The following NR1I2 variants were observed in gnomAD, a reference collection of about 807,000 sequenced individuals.
NR1I2 encodes nuclear receptor subfamily 1 group I member 2.
NR1I2 carries 42 observed loss-of-function variants against 43.3 expected under a neutral mutation model. The observed-to-expected ratio is 0.97, with a 90% CI of 0.76 to 1.26. NR1I2 has a LOEUF of 1.26. Ranked by LOEUF, NR1I2 falls within the 50% of genes most tolerant of loss-of-function variation. The pLI is 0.00. For synonymous variants in NR1I2, 229 were observed against 215.0 expected (o/e 1.06, Z -0.57); for missense variants, 559 against 566.7 (o/e 0.99, Z 0.14).
At chr3:119,810,017 C>G in intron 2 of NR1I2, 44 bp from the exon 3 acceptor site, 1 of 1,612,732 alleles carries the variant, frequency 6.2e-7, no homozygotes, top group Non-Finnish European at 8.5e-7. Flanking sequence ...GCCGAGGGCC[C>G]GGGCACCCGT....
intron 1 of NR1I2, among the ~76,000 whole-genome samples, chr3:119,799,293 A>G (rs2107959908): frequency 6.6e-6 from 1 of 152,274 alleles, no homozygotes; most frequent in East Asian, 1.9e-4. Flanking sequence ...AATATTCTTG[A>G]GTATATTTTC....
At chr3:119,810,975 G>A (rs1007106655) in intron 3 of NR1I2, 1 of 153,668 alleles carries the variant, frequency 6.5e-6, no homozygotes, top group African/African-American at 2.4e-5. Context: ...CTAAGCTGTA[G>A]CCCAGCTCTC....
chr3:119,817,160 ACCCCTTTGCTACG>A lies in NR1I2; in HGVS notation c.1259_1271del (p.Phe420SerfsTer59). The A allele has an allele frequency of 6.2e-7, 1 of 1,613,834 alleles. No individual in the cohort carries two copies. Among genetic ancestry groups the A allele is most frequent in the Non-Finnish European group, 8.5e-7 (1 of 1,179,970 alleles). On this transcript the variant is annotated frameshift_variant, in exon 9 of 9. Transcript: ENST00000393716. LOFTEE classifies it high-confidence loss of function. Reference sequence around the variant, plus strand: ...CGGCTGCTGCGCATCCAGGACATACACCCCTTTGCTACGCCCCTCATGCAGGAGTTGTTCGGCA... The same window carrying A: ...CGGCTGCTGCGCATCCAGGACATACACCCCTCATGCAGGAGTTGTTCGGCA...
Position 119,807,273 on chromosome 3 carries a change from G to C in NR1I2, c.23G>C (p.Ser8Thr), listed in dbSNP as rs143921735. 159 of 1,614,228 alleles carry C rather than the reference G, an allele frequency of 9.8e-5. 2 individuals are homozygous for C. The African/African-American group carries it at 1.7e-3, about 18-fold the overall frequency. The change falls in exon 2 of 9, where the codon AGC becomes ACC. Residue 8 changes from serine (S) to threonine (T), a missense_variant. Ser to Thr is a moderately conservative substitution (Grantham distance 58, BLOSUM62 1). Around this residue, in one of 3 missense-constraint regions of NR1I2, gnomAD observed 232 missense variants for 236.6 expected, o/e 0.98. Coordinates refer to ENST00000393716, the MANE Select transcript of NR1I2 (RefSeq NM_003889.4). ...AACCTGGAGGTGAGACCCAAAGAAAGCTGGAACCATGCTGACTTTGTACAC... is the reference window on the plus strand; with the variant it reads ...AACCTGGAGGTGAGACCCAAAGAAACCTGGAACCATGCTGACTTTGTACAC...
intron 1 of NR1I2, among the ~76,000 whole-genome samples, chr3:119,799,963 A>AAAACAAAC (rs566598313): frequency 5.3e-5 from 8 of 150,876 alleles, no homozygotes; most frequent in Non-Finnish European, 1.0e-4. Context: ...TTTGTCTCAA[A>AAAACAAAC]AAACAAACAA....
Position 119,818,470 on chromosome 3 carries a change from A to G in NR1I2, c.*1258A>G. The G allele has an allele frequency of 1.0e-6, 1 of 985,226 alleles. No homozygotes were observed. Among genetic ancestry groups the G allele is most frequent in the South Asian group, 4.7e-5 (1 of 21,280 alleles). The allele number at this position is 985,226 out of a possible 1,614,324, so 61.0% of individuals were successfully genotyped here. On this transcript the variant is annotated 3_prime_UTR_variant, in exon 9 of 9. Transcript: ENST00000393716. Reference sequence around the variant, plus strand: ...CAAATCAAGGCAAAAGGAATTAAATAATGTACTTTTGGCTAGAGGGGTAAA... The same window carrying G: ...CAAATCAAGGCAAAAGGAATTAAATGATGTACTTTTGGCTAGAGGGGTAAA...
At chr3:119,816,375 A>G (rs552200568) in intron 8 of NR1I2, among the ~76,000 whole-genome samples, 24 of 152,194 alleles carry the variant, frequency 1.6e-4, no homozygotes, top group African/African-American at 5.5e-4. Flanking sequence ...AGCTAGTTCC[A>G]GGAAGGGATT....
At chr3:119,793,446 A>C (rs1305519508) in intron 1 of NR1I2, among the ~76,000 whole-genome samples, 2 of 152,042 alleles carry the variant, frequency 1.3e-5, no homozygotes, top group East Asian at 3.9e-4. Flanking sequence ...AGCGATCCCA[A>C]CTCTGCCCAA....
At chr3:119,812,249 C>T (rs1017484988) in intron 4 of NR1I2, among the ~76,000 whole-genome samples, 9 of 152,128 alleles carry the variant, frequency 5.9e-5, no homozygotes, top group African/African-American at 2.2e-4. Context: ...TTCCCCTTTG[C>T]ACTGATAGAT....
At chr3:119,815,673 G>A (rs926788028) in intron 7 of NR1I2, 53 bp from the exon 8 acceptor site, 1 of 1,477,898 alleles carries the variant, frequency 6.8e-7, no homozygotes, top group Non-Finnish European at 9.4e-7. Context: ...CTCTGGGCTG[G>A]ACTGAGCTTG....
In NR1I2 at chr3:119,811,699, T is replaced by C. The variant is rs12721611; in HGVS notation, c.492T>C (p.Thr164=). 3.2e-3 allele frequency: 5,223 copies of C among 1,612,596 alleles called. 150 individuals are homozygous for C. The African/African-American group carries it at 0.058, about 18-fold the overall frequency. The change falls in exon 4 of 9, where the codon ACT becomes ACC. Residue 164 remains threonine (T), a synonymous_variant. Transcript: ENST00000393716. ...ACGCTCAGATGAAAACCTTTGACAC[T>C]ACCTTCTCCCATTTCAAGAATTTCC...
chr3:119,784,935 C>G (rs1021827186), intron 1 of NR1I2, among the ~76,000 whole-genome samples: 5 of 152,054 alleles, frequency 3.3e-5, no homozygotes, highest in Admixed American at 6.5e-5. Context: ...TGCCTAGTTA[C>G]CTTATGGAAT....
chr3:119,795,715 T>G (rs4687884), intron 1 of NR1I2, among the ~76,000 whole-genome samples: 14,365 of 152,176 alleles, frequency 0.094, 1,523 homozygotes, highest in African/African-American at 0.26. Flanking sequence ...GTTTTCCCTC[T>G]CTCTGTGTTT....
intron 1 of NR1I2, among the ~76,000 whole-genome samples, chr3:119,799,363 A>T (rs1363486637): frequency 6.6e-6 from 1 of 152,038 alleles, no homozygotes. Context: ...TCTTTTGTTC[A>T]TTTTTAAATT....
chr3:119,814,356 G>T (rs1292665635), intron 5 of NR1I2, among the ~76,000 whole-genome samples: 1 of 152,196 alleles, frequency 6.6e-6, no homozygotes, highest in Non-Finnish European at 1.5e-5. Context: ...CGCCTCCATG[G>T]TTAGGCCTGT....
chr3:119,801,459 C>T (rs896798712), intron 1 of NR1I2, among the ~76,000 whole-genome samples: 4 of 152,212 alleles, frequency 2.6e-5, no homozygotes, highest in Non-Finnish European at 5.9e-5. Flanking sequence ...GTAGCTGGCA[C>T]ACCTCAGACA....
chr3:119,810,118 G>T lies in NR1I2; in HGVS notation c.255G>T (p.Glu85Asp). Residue 85 changes from glutamate to aspartate, a missense_variant, in exon 3 of 9, where the codon GAG (glutamate) becomes GAT (aspartate). Coordinates refer to ENST00000393716, the MANE Select transcript of NR1I2 (RefSeq NM_003889.4). ...GCCCCTTCCGGAAGGGCGCCTGCGA[G>T]ATCACCCGGAAGACCCGGCGACAGT... is the stretch of plus-strand genomic sequence containing the variant. The T allele has an allele frequency of 1.9e-6, 3 of 1,613,628 alleles. No individual in the cohort carries two copies. The highest frequency in any genetic ancestry group is 2.5e-6 in the Non-Finnish European group (3 of 1,179,908).
chr3:119,804,367 T>G (rs1329336312), intron 1 of NR1I2, among the ~76,000 whole-genome samples: 1 of 149,500 alleles, frequency 6.7e-6, no homozygotes, highest in Non-Finnish European at 1.5e-5. Context: ...AGAGCGAGAC[T>G]CCGTCTCAAA....
At chr3:119,814,841 C>G in intron 5 of NR1I2, 138 bp from the exon 6 acceptor site, 1 of 1,072,076 alleles carries the variant, frequency 9.3e-7, no homozygotes, top group Non-Finnish European at 1.4e-6. Flanking sequence ...CAGACAGCAG[C>G]CACAGTCATC....
Sources: allele counts gnomAD v4.1 joint callset (sites outside exome capture counted in the v4.1 genomes callset), GRCh38; gene constraint gnomAD v4.1.1; regional missense constraint gnomAD v4.1.1; transcripts MANE v1.5; gene names NCBI Gene and HGNC (gene_info 2026-07-23, HGNC 2026-07-21).